The following ZC3H12B variants were observed in gnomAD, a reference collection of about 807,000 sequenced individuals.
The protein encoded by ZC3H12B is probable ribonuclease ZC3H12B.
In ZC3H12B, 7 loss-of-function variants were observed where a neutral mutation model predicts 43.9. The observed-to-expected ratio is 0.16, with a 90% confidence interval of 0.09 to 0.30. The LOEUF (loss-of-function observed/expected upper bound fraction) is 0.30. ZC3H12B is among the 10% of genes least tolerant of loss of function. The pLI is 1.00. For synonymous variants in ZC3H12B, 222 were observed against 241.7 expected (o/e 0.92, Z 0.76); for missense variants, 475 against 670.2 (o/e 0.71, Z 3.22).
the ZC3H12B span, among the ~76,000 whole-genome samples, chrX:65,065,189 G>T: frequency 9.1e-6 from 1 of 110,041 alleles, no homozygotes; most frequent in Non-Finnish European, 1.9e-5. Flanking sequence ...TCATTATGAT[G>T]GTAGCTAGTT....
chrX:65,407,970 G>A lies in ZC3H12B; in HGVS notation n.407+9266G>A, dbSNP rs1024786439. On this transcript the variant is annotated intron_variant and non_coding_transcript_variant, in intron 3 of 5. Coordinates refer to the ZC3H12B transcript ENST00000617377. ...GCGCGCCTGCGTGCGTGGCCACCTC[G>A]CTCCCCGCTTCTGCCTGGCTTTCCG... The A allele has an allele frequency of 5.3e-6, 5 of 943,011 alleles. No homozygotes were observed. The South Asian group carries it at 1.0e-4, about 19-fold the overall frequency. The allele number at this position is 943,011 out of a possible 1,213,427, so 77.7% of individuals were successfully genotyped here. A position where few individuals can be genotyped will look rare whatever the true frequency, so the allele number is the denominator to read the frequency against.
chrX:65,057,023 G>T, the ZC3H12B span, among the ~76,000 whole-genome samples: 1 of 111,801 alleles, frequency 8.9e-6, no homozygotes, highest in Admixed American at 9.5e-5. Flanking sequence ...ACAGTGATAG[G>T]TCTGGACTCT....
chrX:65,309,799 C>T, the ZC3H12B span, among the ~76,000 whole-genome samples: 2 of 111,905 alleles, frequency 1.8e-5, no homozygotes, highest in African/African-American at 6.5e-5. Flanking sequence ...ACATTATCCA[C>T]CACGATCAAC....
chrX:65,202,124 A>AAT, the ZC3H12B span, among the ~76,000 whole-genome samples: 3 of 87,849 alleles, frequency 3.4e-5, no homozygotes, highest in Admixed American at 1.4e-4. Context: ...TATTATATGT[A>AAT]ATATATATAT....
chrX:65,370,598 C>T (rs770418716), intron 2 of ZC3H12B, among the ~76,000 whole-genome samples: 1 of 111,822 alleles, frequency 8.9e-6, no homozygotes, highest in Non-Finnish European at 1.9e-5. Context: ...CTATATATCC[C>T]TAAGGAAAAA....
chrX:65,109,113 A>C, the ZC3H12B span, among the ~76,000 whole-genome samples: 200 of 111,683 alleles, frequency 1.8e-3, no homozygotes, highest in Middle Eastern at 9.3e-3. Context: ...ATATTCCTAG[A>C]GTACATAATG....
chrX:65,058,394 A>G, the ZC3H12B span, among the ~76,000 whole-genome samples: 2 of 111,984 alleles, frequency 1.8e-5, no homozygotes, highest in African/African-American at 6.5e-5. Flanking sequence ...AACAGCGAAT[A>G]TTGCTGAACA....
At chrX:65,138,423 A>G in the ZC3H12B span, among the ~76,000 whole-genome samples, 2 of 111,680 alleles carry the variant, frequency 1.8e-5, no homozygotes, top group Non-Finnish European at 3.8e-5. Flanking sequence ...TCTACTTTTA[A>G]AAGGCTGAAT....
intron 3 of ZC3H12B, among the ~76,000 whole-genome samples, chrX:65,404,229 A>C (rs1569396187): frequency 8.9e-6 from 1 of 112,000 alleles, no homozygotes; most frequent in African/African-American, 3.2e-5. Context: ...ACAACAAAAA[A>C]AATTACAATG....
At chrX:65,230,541 T>TA in the ZC3H12B span, among the ~76,000 whole-genome samples, 4 of 95,765 alleles carry the variant, frequency 4.2e-5, no homozygotes, top group South Asian at 4.7e-4. Flanking sequence ...TGATATTAAT[T>TA]AAAAAAAATA....
At chrX:65,305,468 G>T in the ZC3H12B span, among the ~76,000 whole-genome samples, 1 of 112,087 alleles carries the variant, frequency 8.9e-6, no homozygotes, top group Non-Finnish European at 1.9e-5. Context: ...TCAGTCTAAA[G>T]TATCCCTTGG....
the ZC3H12B span, among the ~76,000 whole-genome samples, chrX:65,205,924 T>A: frequency 9.0e-6 from 1 of 110,978 alleles, no homozygotes; most frequent in Non-Finnish European, 1.9e-5. Context: ...TCACAATAGC[T>A]GCAAAAAAAG....
intron 3 of ZC3H12B, among the ~76,000 whole-genome samples, chrX:65,479,489 T>C (rs2068037983): frequency 9.1e-6 from 1 of 109,384 alleles, no homozygotes; most frequent in Admixed American, 9.9e-5. Context: ...TGCCTCAGCA[T>C]CCCAAGTAGC....
At chrX:65,449,519 T>G (rs1353142277) in intron 3 of ZC3H12B, among the ~76,000 whole-genome samples, 1 of 109,736 alleles carries the variant, frequency 9.1e-6, no homozygotes, top group Admixed American at 9.8e-5. Flanking sequence ...CTCAGGAGGG[T>G]GAGGCAGGGC....
chrX:65,213,440 A>G, the ZC3H12B span, among the ~76,000 whole-genome samples: 7 of 111,204 alleles, frequency 6.3e-5, no homozygotes, highest in African/African-American at 2.0e-4. Context: ...CAGGTTGAGT[A>G]TGTCTTATCT....
chrX:65,083,881 A>G, the ZC3H12B span, among the ~76,000 whole-genome samples: 1 of 112,016 alleles, frequency 8.9e-6, no homozygotes, highest in Non-Finnish European at 1.9e-5. Context: ...ATAGTAACCA[A>G]AACACTGTGA....
chrX:65,120,197 G>A, the ZC3H12B span, among the ~76,000 whole-genome samples: 1 of 111,958 alleles, frequency 8.9e-6, no homozygotes, highest in Middle Eastern at 4.2e-3. Context: ...GTCATTGGTA[G>A]CTTAATGGGG....
the ZC3H12B span, among the ~76,000 whole-genome samples, chrX:65,054,879 C>T: frequency 9.0e-6 from 1 of 111,170 alleles, no homozygotes; most frequent in Non-Finnish European, 1.9e-5. Context: ...CATGATTTGG[C>T]TCTCTGTTTG....
At chrX:65,486,397 T>G (rs1466668170), upstream of ZC3H12B, among the ~76,000 whole-genome samples, 1 of 112,260 alleles carries the variant, frequency 8.9e-6, no homozygotes, top group Non-Finnish European at 1.9e-5. Context: ...ACCCTGGGGC[T>G]TAGCACAGCC....
Sources: gnomAD v4.1 joint callset for allele counts (sites outside exome capture counted in the v4.1 genomes callset) on GRCh38, gnomAD v4.1.1 for gene constraint, MANE v1.5 for transcripts, NCBI Gene and HGNC (gene_info 2026-07-23, HGNC 2026-07-21) for gene names.